FAM169A: variants seen among roughly 807,000 people sequenced by gnomAD.
The protein encoded by FAM169A is family with sequence similarity 169 member A.
A neutral mutation model predicts 75.7 loss-of-function variants in FAM169A; 24 were observed. The observed-to-expected ratio is 0.32, with a 90% confidence interval of 0.23 to 0.45. The LOEUF (loss-of-function observed/expected upper bound fraction) is 0.45, where lower values mean the gene tolerates loss of function less well. FAM169A is among the 20% of genes least tolerant of loss of function. The pLI, the probability that FAM169A is intolerant of heterozygous loss-of-function variation, is 1.00. For synonymous variants in FAM169A, 271 were observed against 271.0 expected, an observed-to-expected ratio of 1.00 and a Z score of 0.00; for missense variants, 673 against 784.0, an observed-to-expected ratio of 0.86 and a Z score of 1.69.
upstream of FAM169A, chr5:74,866,920 C>G: frequency 1.0e-6 from 1 of 985,506 alleles, no homozygotes; most frequent in Non-Finnish European, 1.2e-6. Context: ...AAACCTACTG[C>G]CACTTAGGTG....
intron 11 of FAM169A, among the ~76,000 whole-genome samples, chr5:74,794,002 CAAAA>C (rs1276485325): frequency 2.0e-5 from 1 of 50,740 alleles, no homozygotes. Context: ...GACTCCATCT[CAAAA>C]AAAAAAAAAA....
At chr5:74,810,974 A>ATTTTTT (rs764689046) in intron 6 of FAM169A, among the ~76,000 whole-genome samples, 6 of 99,848 alleles carry the variant, frequency 6.0e-5, no homozygotes, top group African/African-American at 2.5e-4. Context: ...CTAGGCCTGG[A>ATTTTTT]TTTTTTTTTT....
At chr5:74,850,794 GT>G (rs887611724) in intron 1 of FAM169A, among the ~76,000 whole-genome samples, 4 of 151,912 alleles carry the variant, frequency 2.6e-5, no homozygotes, top group Non-Finnish European at 2.9e-5. Flanking sequence ...ATAATGCAGT[GT>G]TTTTTTTAAA....
At position 74,783,133 on chromosome 5, in the gene FAM169A, T is replaced by G. The variant is rs1277049117; in HGVS notation, c.1262A>C (p.Glu421Ala). The change falls in exon 12 of 13, where the codon GAA becomes GCA. Residue 421 changes from glutamate (E) to alanine (A), a missense_variant and splice_region_variant. Coordinates refer to ENST00000687041, the MANE Select transcript of FAM169A (RefSeq NM_001376049.1). ...PQQEKQDGEK[E>A]SELEPMNGEI... ...ACCATTCATAGGCTCTAATTCAGAT[T>G]CCTACACCATGAGGAGAGAGGGAAA... The G allele has an allele frequency of 1.2e-6, 2 of 1,605,304 alleles. No individual in the cohort carries two copies. The highest frequency in any genetic ancestry group is 1.7e-6 in the Non-Finnish European group (2 of 1,174,316).
intron 11 of FAM169A, 69 bp downstream of exon 11, chr5:74,795,961 C>T: frequency 6.7e-7 from 1 of 1,491,050 alleles, no homozygotes; most frequent in Non-Finnish European, 9.2e-7. Context: ...ACTTTTCTAA[C>T]AACATGTGAT....
chr5:74,845,315 G>C (rs1442436959), intron 1 of FAM169A, among the ~76,000 whole-genome samples: 4 of 152,014 alleles, frequency 2.6e-5, no homozygotes, highest in Non-Finnish European at 4.4e-5. Flanking sequence ...TCAGGAGATC[G>C]AGACCATCCT....
intron 1 of FAM169A, among the ~76,000 whole-genome samples, chr5:74,855,068 T>C (rs1457393057): frequency 6.6e-6 from 1 of 152,206 alleles, no homozygotes; most frequent in Non-Finnish European, 1.5e-5. Flanking sequence ...TAATTTACAT[T>C]CCCACCAACA....
chr5:74,858,131 TAATCCC>T (rs1228621911), intron 1 of FAM169A, among the ~76,000 whole-genome samples: 1 of 150,184 alleles, frequency 6.7e-6, no homozygotes, highest in East Asian at 1.9e-4. Flanking sequence ...CTCATGCCTA[TAATCCC>T]AGTACTTTGG....
intron 5 of FAM169A, among the ~76,000 whole-genome samples, chr5:74,822,756 T>A (rs1747826828): frequency 6.6e-6 from 1 of 152,208 alleles, no homozygotes; most frequent in Admixed American, 6.5e-5. Flanking sequence ...TCTACTTACA[T>A]ATGCCTTAGG....
chr5:74,815,697 A>T (rs111563811), intron 5 of FAM169A, among the ~76,000 whole-genome samples: 1,538 of 152,314 alleles, frequency 0.01, 16 homozygotes, highest in South Asian at 0.017. Context: ...GGAGGTTGGC[A>T]CAAGATGCAG....
chr5:74,862,428 C>T (rs1476452225), intron 1 of FAM169A, among the ~76,000 whole-genome samples: 1 of 152,178 alleles, frequency 6.6e-6, no homozygotes, highest in African/African-American at 2.4e-5. Context: ...CCCACATCCC[C>T]AAAAGCTTCT....
chr5:74,834,439 T>C lies in FAM169A; in HGVS notation c.477A>G (p.Ser159=). The C allele has an allele frequency of 6.6e-7, 1 of 1,515,940 alleles. No individual in the cohort carries two copies. The highest frequency in any genetic ancestry group is 8.9e-7 in the Non-Finnish European group (1 of 1,128,392). The allele number at this position is 1,515,940 out of a possible 1,614,324, so 93.9% of individuals were successfully genotyped here. Residue 159 remains serine (S), a synonymous_variant, in exon 5 of 13, where the codon TCA becomes TCG. Coordinates refer to ENST00000687041, the MANE Select transcript of FAM169A (RefSeq NM_001376049.1). The part of the protein sequence containing the change: ...WKKGEAIGFY[S]VKPTGSICAS... ...TTAAAGACTCACCTGTAGGCTTAAC[T>C]GAATAAAACCCAATGGCCTCTCCTT...
At chr5:74,817,927 T>C (rs769595971) in intron 5 of FAM169A, among the ~76,000 whole-genome samples, 22 of 152,336 alleles carry the variant, frequency 1.4e-4, no homozygotes, top group Non-Finnish European at 2.8e-4. Context: ...ATTTAACGAA[T>C]GCTGCTAGTA....
Position 74,788,693 on chromosome 5 carries a change from G to A in FAM169A, c.1261-5559C>T, listed in dbSNP as rs376635294. ...GCACTCCAGCCTGGGCAACAACAGC[G>A]AAACTCCATCTCAAAAAAAAAAAAA... is the stretch of plus-strand genomic sequence containing the variant. On this transcript the variant is annotated intron_variant, in intron 11 of 12. Transcript: ENST00000687041. Among the ~76,000 whole-genome samples the A allele has an allele frequency of 8.2e-5, 12 of 146,500 alleles. No homozygotes were observed. The East Asian group carries it at 9.9e-4, about 12-fold the overall frequency.
intron 1 of FAM169A, among the ~76,000 whole-genome samples, chr5:74,863,082 C>G (rs1750125511): frequency 1.3e-5 from 2 of 150,282 alleles, no homozygotes; most frequent in South Asian, 4.2e-4. Context: ...AACTTTCTAG[C>G]CTAAAAAATA....
At chr5:74,803,402 T>C (rs1024512986) in intron 8 of FAM169A, among the ~76,000 whole-genome samples, 2 of 152,152 alleles carry the variant, frequency 1.3e-5, no homozygotes, top group African/African-American at 2.4e-5. Flanking sequence ...CTTACATATA[T>C]TGTTATTCTT....
chr5:74,834,626 G>T, intron 4 of FAM169A, 29 bp from the exon 5 acceptor site: 1 of 1,486,264 alleles, frequency 6.7e-7, no homozygotes, highest in Non-Finnish European at 9.0e-7. Flanking sequence ...ACCAGGCACA[G>T]CAGTTATAAT....
chr5:74,846,200 T>C (rs947063506), intron 1 of FAM169A, among the ~76,000 whole-genome samples: 4 of 152,236 alleles, frequency 2.6e-5, no homozygotes, highest in African/African-American at 9.6e-5. Context: ...AATGTCATAG[T>C]ATTCTCCTTA....
chr5:74,800,251 A>G (rs1746500406), intron 10 of FAM169A, among the ~76,000 whole-genome samples: 1 of 134,648 alleles, frequency 7.4e-6, no homozygotes, highest in Admixed American at 7.3e-5. Flanking sequence ...TTTTAAAAGC[A>G]ATGTTTTTGT....
Sources: gnomAD v4.1 joint callset for allele counts (sites outside exome capture counted in the v4.1 genomes callset) on GRCh38, gnomAD v4.1.1 for gene constraint, MANE v1.5 for transcripts, NCBI Gene and HGNC (gene_info 2026-07-23, HGNC 2026-07-21) for gene names.